The following TAMALIN variants were observed in gnomAD, a reference collection of about 807,000 sequenced individuals.
The protein encoded by TAMALIN is trafficking regulator and scaffold protein tamalin.
A neutral mutation model predicts 38.5 loss-of-function variants in TAMALIN; 9 were observed. The ratio of observed to expected loss-of-function variants is 0.23; its 90% confidence interval spans 0.14 to 0.41. The LOEUF (loss-of-function observed/expected upper bound fraction) is 0.41. Ranked by LOEUF, TAMALIN falls within the 10% of genes least tolerant of loss-of-function variation. The pLI is 1.00. For missense variants in TAMALIN, 548 were observed against 554.1 expected (o/e 0.99, Z 0.11); for synonymous variants, 306 against 256.5 (o/e 1.19, Z -1.85).
chr12:52,015,026 C>T lies in TAMALIN; in HGVS notation c.1015C>T (p.Pro339Ser). Residue 339 changes from proline (P) to serine (S), a missense_variant, in exon 8 of 8, where the codon CCT becomes TCT. Pro to Ser is a moderately conservative substitution (Grantham distance 74). This residue lies in a region of TAMALIN where 415 missense variants were observed against 417.0 expected (regional missense o/e 1.00). Transcript: ENST00000293662. The part of the protein sequence containing the change: ...SRSASVRCAG[P>S]GGGGGGGAPG... Reference sequence around the variant, plus strand: ...CAGCGCCAGTGTGCGGTGCGCGGGCCCTGGCGGGGGCGGAGGCGGGGGCGC... The same window carrying T: ...CAGCGCCAGTGTGCGGTGCGCGGGCTCTGGCGGGGGCGGAGGCGGGGGCGC... 1 of 1,287,210 alleles carries T rather than the reference C, an allele frequency of 7.8e-7. No homozygotes were observed. The highest frequency in any genetic ancestry group is 1.6e-5 in the African/African-American group (1 of 61,822). 79.7% of individuals were successfully genotyped at this position (1,287,210 alleles called of 1,614,324 possible).
Position 52,007,063 on chromosome 12 carries a change from C to A in TAMALIN, c.44C>A (p.Ala15Glu), listed in dbSNP as rs1942423160. Residue 15 changes from alanine to glutamate, a missense_variant, in exon 1 of 8, where the codon GCG (alanine) becomes GAG (glutamate). Coordinates refer to ENST00000293662, the MANE Select transcript of TAMALIN (RefSeq NM_181711.4). This position sits in a 1 kb window ranked among gnomAD's most constrained non-coding sequence, Gnocchi z 6.7. ...RLRKLQQKEE[A>E]AATPDPAART... ...AGGAAGCTGCAGCAGAAGGAGGAGG[C>A]GGCGGCCACCCCGGACCCCGCCGCC... 1.4e-6 allele frequency: 2 copies of A among 1,458,400 alleles called. No homozygotes were observed. The highest frequency in any genetic ancestry group is 1.3e-5 in the South Asian group (1 of 74,498). The allele number at this position is 1,458,400 out of a possible 1,614,324, so 90.3% of individuals were successfully genotyped here.
chr12:52,013,619 C>G, intron 4 of TAMALIN, 68 bp from the exon 5 acceptor site: 1 of 1,383,370 alleles, frequency 7.2e-7, no homozygotes, highest in Non-Finnish European at 1.0e-6. Flanking sequence ...CCCTTTCTGG[C>G]TAAGGTAGGA....
At chr12:52,009,610 C>T (rs1431271401) in intron 2 of TAMALIN, among the ~76,000 whole-genome samples, 4 of 152,232 alleles carry the variant, frequency 2.6e-5, no homozygotes, top group African/African-American at 4.8e-5. Flanking sequence ...GCAAACCCCA[C>T]GGGCCCAGAC....
chr12:52,013,267 CG>C (rs1396470589), intron 4 of TAMALIN, among the ~76,000 whole-genome samples: 1 of 149,720 alleles, frequency 6.7e-6, no homozygotes, highest in Non-Finnish European at 1.5e-5. Context: ...TTAGTAGAGA[CG>C]GGGTTTCACC....
chr12:52,008,416 C>T (rs1942449296), intron 1 of TAMALIN: 6 of 982,356 alleles, frequency 6.1e-6, no homozygotes, highest in African/African-American at 3.5e-5. Context: ...CCACACCCCC[C>T]ACCACCACCC....
Position 52,011,057 on chromosome 12 carries a change from C to T in TAMALIN, c.370C>T (p.Arg124Trp), listed in dbSNP as rs201892327. ...ATTACAGACTTATGGCCTTCACCAC[C>T]GGGAGGAGCAGCGTGTGGAAATGGT... Reference protein sequence around the residue: ...FEIQTYGLHHREEQRVEMVTF... With the variant: ...FEIQTYGLHHWEEQRVEMVTF... Residue 124 changes from arginine (R) to tryptophan (W), a missense_variant, in exon 4 of 8, where the codon CGG becomes TGG. Arg to Trp is a moderately radical substitution (Grantham distance 101). Around this residue, in one of 3 missense-constraint regions of TAMALIN, gnomAD observed 415 missense variants for 417.0 expected, o/e 1.00. Transcript: ENST00000293662. The surrounding 1 kb of genome is among the most constrained non-coding windows in gnomAD (Gnocchi z 5.3). The T allele has an allele frequency of 3.3e-5, 53 of 1,613,262 alleles. No individual in the cohort carries two copies. The highest frequency in any genetic ancestry group is 1.1e-4 in the East Asian group (5 of 44,868).
Position 52,009,183 on chromosome 12 carries a change from T to G in TAMALIN, c.247-7T>G. On this transcript the variant is annotated splice_region_variant and splice_polypyrimidine_tract_variant and intron_variant, in intron 1 of 7. Transcript: ENST00000293662. Reference sequence around the variant, plus strand: ...TACCTGCTCCTTCTGACCATCTTACTGCCCAGGGCTCAGGATTCCGCTGGA... The same window carrying G: ...TACCTGCTCCTTCTGACCATCTTACGGCCCAGGGCTCAGGATTCCGCTGGA... 6.2e-7 allele frequency: 1 copy of G among 1,614,082 alleles called. No individual in the cohort carries two copies. Among genetic ancestry groups the G allele is most frequent in the Non-Finnish European group, 8.5e-7 (1 of 1,179,948 alleles).
Position 52,007,576 on chromosome 12 carries a change from TC to T in TAMALIN, c.246+315del. 1 of 982,594 alleles carries T rather than the reference TC, an allele frequency of 1.0e-6. No homozygotes were observed. The highest frequency in any genetic ancestry group is 1.2e-6 in the Non-Finnish European group (1 of 828,304). 60.9% of individuals were successfully genotyped at this position (982,594 alleles called of 1,614,324 possible). ...GGCTTTCTGCCCCCCATGCCCCGCC[TC>T]CCCGTGGCCAGGTGTCCTGGGTCCC... On this transcript the variant is annotated intron_variant, in intron 1 of 7. Transcript: ENST00000293662. The surrounding 1 kb of genome is among the most constrained non-coding windows in gnomAD (Gnocchi z 6.7).
At chr12:52,013,976 C>G in intron 6 of TAMALIN, 33 bp downstream of exon 6, 1 of 1,605,968 alleles carries the variant, frequency 6.2e-7, no homozygotes, top group Non-Finnish European at 8.5e-7. Flanking sequence ...CAGCCTCCAC[C>G]CTCCTCTTCC....
chr12:52,010,525 C>T, intron 2 of TAMALIN: 5 of 1,132,296 alleles, frequency 4.4e-6, no homozygotes, highest in Non-Finnish European at 4.4e-6. Context: ...ACAGAGGAGG[C>T]TCCAGGCTGT....
rs778704153 is a variant in TAMALIN at position 52,011,123 on chromosome 12, C to T, written c.436C>T (p.Leu146=). The T allele has an allele frequency of 3.1e-6, 5 of 1,611,974 alleles. No homozygotes were observed. Among genetic ancestry groups the T allele is most frequent in the Admixed American group, 3.3e-5 (2 of 60,014 alleles). Residue 146 remains leucine, a synonymous_variant, in exon 4 of 8, where the codon CTG becomes TTG. Transcript: ENST00000293662. The surrounding 1 kb of genome is among the most constrained non-coding windows in gnomAD (Gnocchi z 5.3). ...CRVHESSPAQ[L]AGLTPGDTIA... ...AGTTCATGAGTCTAGCCCTGCCCAG[C>T]TGGCTGGGCTCACACCAGGTGGGGC...
Position 52,011,281 on chromosome 12 carries a change from A to G in TAMALIN, c.454+140A>G. ...GAAGGCCAGAAAGAAGAATGGATAG[A>G]ATCTGGGCTTTGGATCTAGGCAAAT... On this transcript the variant is annotated intron_variant, in intron 4 of 7. Transcript: ENST00000293662. The surrounding 1 kb of genome is among the most constrained non-coding windows in gnomAD (Gnocchi z 5.3). 1 of 1,486,144 alleles carries G rather than the reference A, an allele frequency of 6.7e-7. No individual in the cohort carries two copies. The highest frequency in any genetic ancestry group is 9.1e-7 in the Non-Finnish European group (1 of 1,099,936). 92.1% of individuals were successfully genotyped at this position (1,486,144 alleles called of 1,614,324 possible).
chr12:52,014,044 CT>C, intron 6 of TAMALIN, 90 bp from the exon 7 acceptor site: 2 of 1,547,018 alleles, frequency 1.3e-6, no homozygotes, highest in South Asian at 1.1e-5. Context: ...CTGAAGATTT[CT>C]TTTGTCTACT....
intron 7 of TAMALIN, 60 bp downstream of exon 7, chr12:52,014,261 T>G: frequency 7.3e-7 from 1 of 1,377,578 alleles, no homozygotes; most frequent in Non-Finnish European, 1.0e-6. Context: ...CCATCTGCGC[T>G]TCCCCCTCAG....
Position 52,013,927 on chromosome 12 carries a change from G to C in TAMALIN, c.599G>C (p.Arg200Pro). The C allele has an allele frequency of 6.2e-7, 1 of 1,614,044 alleles. No individual in the cohort carries two copies. Residue 200 changes from arginine (R) to proline (P), a missense_variant, in exon 6 of 8, where the codon CGT becomes CCT. Transcript: ENST00000293662. ...ATTCGGAAGGCAGAACTGGAGGCTC[G>C]TCTGCAGTACCTGAAGGTAGGGGAA... Reference protein sequence around the residue: ...TSIRKAELEARLQYLKQTLYE... With the variant: ...TSIRKAELEAPLQYLKQTLYE...
rs769197486 is a variant in TAMALIN at position 52,007,188 on chromosome 12, G to A, written c.169G>A (p.Ala57Thr). ...TGGGCCCCCAGCGGACGAGCTGTACGCGGCGCTGGAGGACTATCACCCTGC... is the reference window on the plus strand; with the variant it reads ...TGGGCCCCCAGCGGACGAGCTGTACACGGCGCTGGAGGACTATCACCCTGC... The part of the protein sequence containing the change: ...TPGPPADELY[A>T]ALEDYHPAEL... The change falls in exon 1 of 8, where the codon GCG becomes ACG. Residue 57 changes from alanine to threonine, a missense_variant. Coordinates refer to ENST00000293662, the MANE Select transcript of TAMALIN (RefSeq NM_181711.4). The surrounding 1 kb of genome is among the most constrained non-coding windows in gnomAD (Gnocchi z 6.7). The A allele has an allele frequency of 1.3e-6, 2 of 1,516,770 alleles. No individual in the cohort carries two copies. Among genetic ancestry groups the A allele is most frequent in the South Asian group, 1.2e-5 (1 of 80,542 alleles). The allele number at this position is 1,516,770 out of a possible 1,614,324, so 94.0% of individuals were successfully genotyped here.
rs781184548 is a variant in TAMALIN at position 52,007,170 on chromosome 12, C to T, written c.151C>T (p.Pro51Ser). The part of the protein sequence containing the change: ...PPAAAATPGP[P>S]ADELYAALED... ...TGCCGCAGCCGCCACCCCTGGGCCC[C>T]CAGCGGACGAGCTGTACGCGGCGCT... is the stretch of plus-strand genomic sequence containing the variant. Residue 51 changes from proline to serine, a missense_variant, in exon 1 of 8, where the codon CCA (proline) becomes TCA (serine). Pro to Ser is a moderately conservative substitution (Grantham distance 74). Around this residue, in one of 3 missense-constraint regions of TAMALIN, gnomAD observed 128 missense variants for 117.9 expected, o/e 1.09. Coordinates refer to ENST00000293662, the MANE Select transcript of TAMALIN (RefSeq NM_181711.4). The surrounding 1 kb of genome is among the most constrained non-coding windows in gnomAD (Gnocchi z 6.7). The T allele has an allele frequency of 2.0e-6, 3 of 1,502,746 alleles. No homozygotes were observed. Among genetic ancestry groups the T allele is most frequent in the South Asian group, 2.5e-5 (2 of 79,472 alleles). 93.1% of individuals were successfully genotyped at this position (1,502,746 alleles called of 1,614,324 possible).
rs1942429313 is a variant in TAMALIN, at chr12:52,007,344, TCTC to T, written c.246+83_246+85del. Reference sequence around the variant, plus strand: ...AGGGCCTGCTGACTCCGCAGTGCCCTCTCCTCGGCGTCCGCGGAGTCCCCCACC... The same window carrying T: ...AGGGCCTGCTGACTCCGCAGTGCCCTCTCGGCGTCCGCGGAGTCCCCCACC... On this transcript the variant is annotated intron_variant, in intron 1 of 7. Coordinates refer to ENST00000293662, the MANE Select transcript of TAMALIN (RefSeq NM_181711.4). The surrounding 1 kb of genome is among the most constrained non-coding windows in gnomAD (Gnocchi z 6.7). 1 of 1,314,698 alleles carries T rather than the reference TCTC, an allele frequency of 7.6e-7. No homozygotes were observed. The highest frequency in any genetic ancestry group is 9.7e-7 in the Non-Finnish European group (1 of 1,032,390). 81.4% of individuals were successfully genotyped at this position (1,314,698 alleles called of 1,614,324 possible).
chr12:52,013,449 G>T, intron 4 of TAMALIN: 1 of 507,098 alleles, frequency 2.0e-6, no homozygotes, highest in Non-Finnish European at 3.6e-6. Context: ...GGGGTGCTGG[G>T]CGTGGACAAC....
Sources: allele counts gnomAD v4.1 joint callset (sites outside exome capture counted in the v4.1 genomes callset), GRCh38; gene constraint gnomAD v4.1.1; regional missense constraint gnomAD v4.1.1; non-coding constraint Gnocchi (gnomAD v3.1); transcripts MANE v1.5; gene names NCBI Gene and HGNC (gene_info 2026-07-23, HGNC 2026-07-21).